GPC5: variants seen among roughly 807,000 people sequenced by gnomAD.
GPC5 encodes glypican-5.
In GPC5, 47 loss-of-function variants were observed where a neutral mutation model predicts 53.9. The observed-to-expected ratio is 0.87, with a 90% confidence interval of 0.69 to 1.11. The LOEUF is 1.11. GPC5 is among the 50% of genes most tolerant of loss of function. The pLI, the probability that GPC5 is intolerant of heterozygous loss-of-function variation, is 0.00. For synonymous variants in GPC5, 286 were observed against 263.3 expected, an observed-to-expected ratio of 1.09 and a Z score of -0.84; for missense variants, 748 against 713.1, an observed-to-expected ratio of 1.05 and a Z score of -0.56.
chr13:92,670,714 A>G (rs533880239), intron 7 of GPC5, among the ~76,000 whole-genome samples: 2 of 152,156 alleles, frequency 1.3e-5, no homozygotes, highest in Admixed American at 6.6e-5. Flanking sequence ...ATTTAAGAAG[A>G]TATCAGCCTG....
intron 2 of GPC5, among the ~76,000 whole-genome samples, chr13:91,552,772 C>T (rs575158100): frequency 3.3e-5 from 5 of 152,158 alleles, no homozygotes; most frequent in East Asian, 1.9e-4. Context: ...CCAGCTTGGT[C>T]GTTAGGGCCA....
At chr13:92,095,122 C>T (rs188335735) in intron 6 of GPC5, among the ~76,000 whole-genome samples, 8 of 152,178 alleles carry the variant, frequency 5.3e-5, no homozygotes. Flanking sequence ...GAGAATAGAA[C>T]TTGTGCCAAC....
chr13:91,504,973 A>G (rs1175770061), intron 2 of GPC5, among the ~76,000 whole-genome samples: 1 of 152,112 alleles, frequency 6.6e-6, no homozygotes, highest in Non-Finnish European at 1.5e-5. Context: ...AAACAAGCAA[A>G]CAACCAAACA....
chr13:92,752,024 C>T (rs1200650704), intron 7 of GPC5, among the ~76,000 whole-genome samples: 1 of 151,242 alleles, frequency 6.6e-6, no homozygotes, highest in Non-Finnish European at 1.5e-5. Context: ...TTTAATTTGC[C>T]ACTTTGCTTT....
chr13:92,624,129 C>T (rs1437689443), intron 7 of GPC5, among the ~76,000 whole-genome samples: 1 of 150,256 alleles, frequency 6.7e-6, no homozygotes, highest in Non-Finnish European at 1.5e-5. Flanking sequence ...GGGTGGAGTG[C>T]AGTGGCTCAA....
intron 7 of GPC5, among the ~76,000 whole-genome samples, chr13:92,857,445 A>G (rs903241505): frequency 1.3e-5 from 2 of 152,216 alleles, no homozygotes; most frequent in African/African-American, 4.8e-5. Flanking sequence ...AAGCAATTGC[A>G]GCAGAAATAA....
chr13:92,415,186 T>C (rs1876233199), intron 7 of GPC5, among the ~76,000 whole-genome samples: 1 of 152,154 alleles, frequency 6.6e-6, no homozygotes, highest in Admixed American at 6.5e-5. Context: ...TGTTCATAAC[T>C]TAATGTTTCA....
At chr13:92,004,490 AATTACAC>A (rs2040588456) in intron 6 of GPC5, among the ~76,000 whole-genome samples, 3 of 126,218 alleles carry the variant, frequency 2.4e-5, no homozygotes, top group African/African-American at 3.5e-5. Context: ...ATATATATAT[AATTACAC>A]TATAGCTTTT....
At chr13:92,471,166 T>C (rs1878895853) in intron 7 of GPC5, among the ~76,000 whole-genome samples, 1 of 152,116 alleles carries the variant, frequency 6.6e-6, no homozygotes, top group African/African-American at 2.4e-5. Context: ...GTAAGTCCTA[T>C]AGGGAGGGAG....
chr13:92,772,591 T>C (rs557564765), intron 7 of GPC5, among the ~76,000 whole-genome samples: 1 of 152,310 alleles, frequency 6.6e-6, no homozygotes, highest in East Asian at 1.9e-4. Flanking sequence ...TCATTCACCC[T>C]GTTTTACTTT....
intron 7 of GPC5, among the ~76,000 whole-genome samples, chr13:92,514,900 C>A (rs1164165372): frequency 1.3e-5 from 2 of 152,144 alleles, no homozygotes; most frequent in African/African-American, 4.8e-5. Flanking sequence ...GTTATGGCAA[C>A]CACTTATTTC....
intron 6 of GPC5, among the ~76,000 whole-genome samples, chr13:92,007,451 G>T (rs1009972377): frequency 3.9e-5 from 6 of 151,966 alleles, no homozygotes; most frequent in Admixed American, 1.3e-4. Flanking sequence ...TGATGAATTT[G>T]CCCTTTTGTC....
In GPC5 at chr13:92,032,402, C is replaced by A. The variant is rs1173851239; in HGVS notation, c.1402-112428C>A. On this transcript the variant is annotated intron_variant, in intron 6 of 7. Transcript: ENST00000377067. ...ACCACTAAAGAACTGACTCGTGTAA[C>A]CAAATACCACCCGTTTCCCCCCAAA... 4.0e-5 allele frequency among the ~76,000 whole-genome samples: 6 copies of A among 150,862 alleles called. No homozygotes were observed. The South Asian group carries it at 1.3e-3, about 32-fold the overall frequency.
chr13:92,292,280 G>T (rs1484035928), intron 7 of GPC5, among the ~76,000 whole-genome samples: 1 of 152,170 alleles, frequency 6.6e-6, no homozygotes, highest in Non-Finnish European at 1.5e-5. Flanking sequence ...CATAGCAATT[G>T]TACTAGTGTA....
At chr13:91,590,240 A>C (rs1000808033) in intron 2 of GPC5, among the ~76,000 whole-genome samples, 11 of 151,986 alleles carry the variant, frequency 7.2e-5, no homozygotes, top group African/African-American at 2.6e-4. Context: ...AATACCAAGT[A>C]ATATTTCTAA....
chr13:92,120,814 C>A (rs2041642991), intron 6 of GPC5, among the ~76,000 whole-genome samples: 1 of 152,092 alleles, frequency 6.6e-6, no homozygotes, highest in Non-Finnish European at 1.5e-5. Context: ...CTTATGGTGT[C>A]CAGCTCTATG....
intron 2 of GPC5, among the ~76,000 whole-genome samples, chr13:91,564,990 T>C (rs1412777960): frequency 2.2e-4 from 3 of 13,470 alleles, no homozygotes; most frequent in Non-Finnish European, 4.6e-4. Context: ...TGTGGCTTTT[T>C]TTTGGGGGGG....
intron 5 of GPC5, among the ~76,000 whole-genome samples, chr13:91,791,728 A>G (rs1355938303): frequency 6.6e-6 from 1 of 152,222 alleles, no homozygotes; most frequent in Non-Finnish European, 1.5e-5. Context: ...ACTACTAAAC[A>G]GGAGAGGTCC....
At chr13:92,053,721 C>A (rs1159034822) in intron 6 of GPC5, among the ~76,000 whole-genome samples, 1 of 151,642 alleles carries the variant, frequency 6.6e-6, no homozygotes, top group Non-Finnish European at 1.5e-5. Context: ...GTGTTCATTG[C>A]CTTATGGAAT....
Sources: allele counts gnomAD v4.1 joint callset (sites outside exome capture counted in the v4.1 genomes callset), GRCh38; gene constraint gnomAD v4.1.1; transcripts MANE v1.5; gene names NCBI Gene and HGNC (gene_info 2026-07-23, HGNC 2026-07-21).